The following ADGRF1 variants were observed in gnomAD, a reference collection of about 807,000 sequenced individuals.
The protein encoded by ADGRF1 is adhesion G protein-coupled receptor F1, also known as G protein-coupled receptor 110.
In ADGRF1, 85 loss-of-function variants were observed where a neutral mutation model predicts 87.2. That is an observed-to-expected ratio of 0.97 (90% CI 0.82 to 1.17). ADGRF1 has a LOEUF of 1.17. Ranked by LOEUF, ADGRF1 falls within the 50% of genes most tolerant of loss-of-function variation. The probability of loss-of-function intolerance (pLI) is 0.00; values close to 1 mark genes in which losing one functional copy is unlikely to be tolerated. For missense variants in ADGRF1, 1,169 were observed against 1,077.2 expected, an observed-to-expected ratio of 1.09 and a Z score of -1.19; for synonymous variants, 430 against 408.8, an observed-to-expected ratio of 1.05 and a Z score of -0.63.
At chr6:47,022,773 C>G (rs1157163199) in intron 5 of ADGRF1, among the ~76,000 whole-genome samples, 3 of 150,050 alleles carry the variant, frequency 2.0e-5, no homozygotes, top group East Asian at 1.9e-4. Flanking sequence ...CATGGACCAC[C>G]TTTTTCTTTC....
intron 12 of ADGRF1, among the ~76,000 whole-genome samples, chr6:47,006,594 T>C (rs774684175): frequency 1.3e-5 from 2 of 152,168 alleles, no homozygotes; most frequent in South Asian, 2.1e-4. Context: ...AGTTCTTTAG[T>C]GGTGATTTGT....
At position 47,025,884 on chromosome 6, in the gene ADGRF1, T is replaced by C. The variant is rs779570414; in HGVS notation, c.247A>G (p.Ile83Val). 3 of 1,607,876 alleles carry C rather than the reference T, an allele frequency of 1.9e-6. No individual in the cohort carries two copies. The change falls in exon 4 of 15, where the codon ATT becomes GTT. Residue 83 changes from isoleucine (I) to valine (V), a missense_variant. Transcript: ENST00000371253. Reference protein sequence around the residue: ...KPPLLWSHGLIRIIRAKATTD... With the variant: ...KPPLLWSHGLVRIIRAKATTD... The stretch of plus-strand genomic sequence containing the variant: ...GTAGCCTTTGCTCTGATAATTCTAA[T>C]TAGCCCATGTGACCATAATAATGGA...
At chr6:47,021,636 C>T (rs987674628) in intron 6 of ADGRF1, among the ~76,000 whole-genome samples, 11 of 152,104 alleles carry the variant, frequency 7.2e-5, no homozygotes, top group African/African-American at 2.4e-4. Flanking sequence ...ACTGGGATTA[C>T]AGGCGTGAGC....
chr6:47,011,997 C>T lies in ADGRF1; in HGVS notation c.1116+10G>A, dbSNP rs1263828760. ...TTAAAGTGAGCCCTTCAAGCACAGG[C>T]AGACCATACCTCCATTGTTGAATTG... On this transcript the variant is annotated intron_variant, in intron 10 of 14. Transcript: ENST00000371253. The T allele has an allele frequency of 6.2e-7, 1 of 1,609,068 alleles. No individual in the cohort carries two copies.
At chr6:47,033,583 CCGTCTTGGCCTCACATG>C (rs1453368628) in intron 1 of ADGRF1, among the ~76,000 whole-genome samples, 2 of 152,240 alleles carry the variant, frequency 1.3e-5, no homozygotes, top group African/African-American at 4.8e-5. Context: ...TCTTTCCTGT[CCGTCTTGGCCTCACATG>C]CGCCCATGCG....
chr6:47,035,287 A>G (rs1006809116), intron 1 of ADGRF1, among the ~76,000 whole-genome samples: 1 of 152,206 alleles, frequency 6.6e-6, no homozygotes, highest in African/African-American at 2.4e-5. Flanking sequence ...GCTTAGTAAC[A>G]GGACCCAGTC....
intron 9 of ADGRF1, chr6:47,013,646 G>A: frequency 1.0e-6 from 1 of 985,368 alleles, no homozygotes; most frequent in Non-Finnish European, 1.2e-6. Flanking sequence ...AGAGCATCAT[G>A]TGGAGGGCAT....
At chr6:47,012,531 T>C in intron 9 of ADGRF1, 1 of 656,212 alleles carries the variant, frequency 1.5e-6, no homozygotes, top group Non-Finnish European at 1.9e-6. Context: ...TGCAAAGATT[T>C]ACTAAAAATC....
Position 47,016,690 on chromosome 6 carries a change from A to G in ADGRF1, c.690T>C (p.Val230=), listed in dbSNP as rs746494355. ...ASELLSAIEH[V]AEKAKTALHK... ...GAAGGGCTGTCTTAGCCTTCTCGGC[A>G]ACATGTTCAATGGCTGACAGCAGTT... Residue 230 remains valine, a synonymous_variant, in exon 8 of 15, where the codon GTT becomes GTC. Coordinates refer to ENST00000371253, the MANE Select transcript of ADGRF1 (RefSeq NM_153840.4). The G allele has an allele frequency of 6.2e-7, 1 of 1,612,772 alleles. No homozygotes were observed. The highest frequency in any genetic ancestry group is 2.2e-5 in the East Asian group (1 of 44,858).
chr6:47,008,953 C>T lies in ADGRF1; in HGVS notation c.2482G>A (p.Ala828Thr), dbSNP rs1779608002. ...AWHVIFALLN[A>T]FQGFFILCFG... is the part of the protein sequence containing the mutation. ...ATTGTTACTGTTCTCACCTGGAATG[C>T]ATTGAGTAAAGCAAAAATAACATGC... Residue 828 changes from alanine (A) to threonine (T), a missense_variant, in exon 11 of 15, where the codon GCA becomes ACA. Physicochemically the swap from Ala to Thr is moderately conservative, Grantham distance 58. Coordinates refer to ENST00000371253, the MANE Select transcript of ADGRF1 (RefSeq NM_153840.4). 2 of 1,595,610 alleles carry T rather than the reference C, an allele frequency of 1.3e-6. No individual in the cohort carries two copies. Among genetic ancestry groups the T allele is most frequent in the South Asian group, 2.3e-5 (2 of 88,630 alleles).
intron 10 of ADGRF1, 48 bp downstream of exon 10, chr6:47,011,959 C>A: frequency 6.5e-7 from 1 of 1,539,060 alleles, no homozygotes; most frequent in East Asian, 2.3e-5. Context: ...ATTCCTCCTA[C>A]AGGATCAAGC....
intron 9 of ADGRF1, chr6:47,013,413 A>G (rs1233094221): frequency 1.0e-6 from 1 of 985,334 alleles, no homozygotes; most frequent in African/African-American, 1.7e-5. Flanking sequence ...TAAACATTCC[A>G]CAGTCCTCTG....
In ADGRF1 at chr6:47,033,846, C is replaced by A. The variant is rs73480762; in HGVS notation, c.-43-4742G>T. ...TGAACAGAGACAGAGGAGAAGACAG[C>A]TGAGAAAATAGGTGGGAGGACAGAA... On this transcript the variant is annotated intron_variant, in intron 1 of 14. Coordinates refer to ENST00000371253, the MANE Select transcript of ADGRF1 (RefSeq NM_153840.4). 4.8e-3 allele frequency among the ~76,000 whole-genome samples: 725 copies of A among 152,306 alleles called. 6 individuals carry two copies. The highest frequency in any genetic ancestry group is 0.016 in the African/African-American group (681 of 41,570).
chr6:47,008,759 T>A (rs1230498565), intron 11 of ADGRF1, among the ~76,000 whole-genome samples, 186 bp downstream of exon 11: 1 of 152,248 alleles, frequency 6.6e-6, no homozygotes, highest in Non-Finnish European at 1.5e-5. Flanking sequence ...TCCAATATTC[T>A]GCTTCAGTAT....
chr6:47,023,616 T>C (rs1780136506), intron 5 of ADGRF1, among the ~76,000 whole-genome samples: 1 of 152,228 alleles, frequency 6.6e-6, no homozygotes, highest in Non-Finnish European at 1.5e-5. Context: ...TTGAGAGATT[T>C]CTTTTAATGG....
rs1780519455 is a variant in ADGRF1 at position 47,034,200 on chromosome 6, A to G, written c.-43-5096T>C. ...GTAAGAGGAAAAATAAAGTGAGCTC[A>G]GATCTATTCACATTCAGGTTTCATT... On this transcript the variant is annotated intron_variant, in intron 1 of 14. Coordinates refer to ENST00000371253, the MANE Select transcript of ADGRF1 (RefSeq NM_153840.4). Among the ~76,000 whole-genome samples, 6 of 152,218 alleles carry G rather than the reference A, an allele frequency of 3.9e-5. No homozygotes were observed. In the South Asian group the frequency reaches 1.2e-3, roughly 31 times the overall value.
chr6:47,021,995 G>A lies in ADGRF1; in HGVS notation c.515C>T (p.Ala172Val), dbSNP rs761288785. The A allele has an allele frequency of 3.1e-6, 5 of 1,592,380 alleles. No individual in the cohort carries two copies. Among genetic ancestry groups the A allele is most frequent in the South Asian group, 1.1e-5 (1 of 87,334 alleles). The change falls in exon 6 of 15, where the codon GCT becomes GTT. Residue 172 changes from alanine (A) to valine (V), a missense_variant. Transcript: ENST00000371253. The stretch of plus-strand genomic sequence containing the variant: ...TCCATTTGCATATTTGGAGTATATA[G>A]CAGAAGATGAATTCAAAAGGTCATT... ...FTNDLLNSSSAIYSKYANGIE... is the reference protein window; with the variant it reads ...FTNDLLNSSSVIYSKYANGIE...
chr6:47,028,995 C>A lies in ADGRF1; in HGVS notation c.67G>T (p.Gly23Trp), dbSNP rs1561879684. Residue 23 changes from glycine (G) to tryptophan (W), a missense_variant and splice_region_variant, in exon 2 of 15, where the codon GGG becomes TGG. Coordinates refer to ENST00000371253, the MANE Select transcript of ADGRF1 (RefSeq NM_153840.4). ...TATGAGACATAGCACCAACTCACCCCCAGGAAGCCACCGTGGCCGTCAGTG... is the reference window on the plus strand; with the variant it reads ...TATGAGACATAGCACCAACTCACCCACAGGAAGCCACCGTGGCCGTCAGTG... ...TFTDGHGGFL[G>W]KNDGIKTKKE... is the part of the protein sequence containing the mutation. 1.9e-6 allele frequency: 3 copies of A among 1,613,646 alleles called. No homozygotes were observed. The highest frequency in any genetic ancestry group is 2.5e-6 in the Non-Finnish European group (3 of 1,179,646).
chr6:47,005,050 T>C (rs1045975720), intron 13 of ADGRF1, among the ~76,000 whole-genome samples: 3 of 152,214 alleles, frequency 2.0e-5, no homozygotes, highest in East Asian at 3.8e-4. Context: ...AATACCCATA[T>C]AGGTTTGGAT....
Sources: allele counts gnomAD v4.1 joint callset (sites outside exome capture counted in the v4.1 genomes callset), GRCh38; gene constraint gnomAD v4.1.1; transcripts MANE v1.5; gene names NCBI Gene and HGNC (gene_info 2026-07-23, HGNC 2026-07-21).